PHACTR1: variants seen among roughly 807,000 people sequenced by gnomAD.
PHACTR1 encodes phosphatase and actin regulator 1, also known as RPEL repeat containing 1.
Under a neutral mutation model 69.2 loss-of-function variants are expected in PHACTR1, and 16 were observed. The ratio of observed to expected loss-of-function variants is 0.23; its 90% CI spans 0.16 to 0.35. The LOEUF (loss-of-function observed/expected upper bound fraction) is 0.35. Ranked by LOEUF, PHACTR1 falls within the 10% of genes least tolerant of loss-of-function variation. PHACTR1 has a pLI of 1.00. For missense variants in PHACTR1, 510 were observed against 734.7 expected (o/e 0.69, Z 3.54); for synonymous variants, 312 against 284.5 (o/e 1.10, Z -0.97).
At chr6:12,876,570 A>G (rs1393183378) in intron 4 of PHACTR1, among the ~76,000 whole-genome samples, 1 of 152,208 alleles carries the variant, frequency 6.6e-6, no homozygotes, top group Non-Finnish European at 1.5e-5. Context: ...CTTCTCCTGC[A>G]AGGCCAAGCA....
chr6:13,103,943 G>A (rs1815619556), intron 5 of PHACTR1, among the ~76,000 whole-genome samples: 1 of 152,178 alleles, frequency 6.6e-6, no homozygotes, highest in Non-Finnish European at 1.5e-5. Flanking sequence ...AATTAGTTGG[G>A]CATGGTGGCA....
intron 5 of PHACTR1, among the ~76,000 whole-genome samples, chr6:13,138,881 T>C (rs1322831180): frequency 2.6e-5 from 4 of 152,358 alleles, no homozygotes; most frequent in African/African-American, 9.6e-5. Flanking sequence ...CCTGGCTGTC[T>C]CCTGACATTT....
chr6:13,179,610 T>G lies in PHACTR1; in HGVS notation c.497-2909T>G, dbSNP rs140758011. Among the ~76,000 whole-genome samples the G allele has an allele frequency of 6.6e-6, 1 of 152,272 alleles. No homozygotes were observed. The highest frequency in any genetic ancestry group is 2.4e-5 in the African/African-American group (1 of 41,548). On this transcript the variant is annotated intron_variant, in intron 6 of 14. Coordinates refer to ENST00000332995, the MANE Select transcript of PHACTR1 (RefSeq NM_030948.6). The surrounding 1 kb of genome is among the most constrained non-coding windows in gnomAD (Gnocchi z 4.2). ...TACTTATTGAATGGTTTTCATTTCT[T>G]TCTACTAGATATGTATACACATATA...
chr6:12,920,476 G>A (rs1410331538), intron 4 of PHACTR1, among the ~76,000 whole-genome samples: 1 of 152,234 alleles, frequency 6.6e-6, no homozygotes, highest in African/African-American at 2.4e-5. Context: ...CTGTCAAGGA[G>A]TCTGACTTTG....
chr6:12,763,585 GAAAC>G lies in PHACTR1; in HGVS notation c.250+13798_250+13801del, dbSNP rs375496493. On this transcript the variant is annotated intron_variant, in intron 4 of 14. Transcript: ENST00000332995. Reference sequence around the variant, plus strand: ...GAAGTGAAAATATTGAGGTGGGAAAGAAACAATGACTGAATTTAGCCAACACAGA... The same window carrying G: ...GAAGTGAAAATATTGAGGTGGGAAAGAATGACTGAATTTAGCCAACACAGA... 4.1e-3 allele frequency among the ~76,000 whole-genome samples: 631 copies of G among 152,306 alleles called. 4 individuals are homozygous for G. The highest frequency in any genetic ancestry group is 0.015 in the African/African-American group (610 of 41,560).
intron 4 of PHACTR1, among the ~76,000 whole-genome samples, chr6:12,929,112 G>C (rs375782871): frequency 2.8e-4 from 43 of 152,272 alleles, no homozygotes; most frequent in African/African-American, 1.0e-3. Context: ...CCCCTCACCT[G>C]GGATGGCTCA....
At chr6:13,030,632 T>C (rs1265655221) in intron 4 of PHACTR1, among the ~76,000 whole-genome samples, 1 of 152,252 alleles carries the variant, frequency 6.6e-6, no homozygotes, top group African/African-American at 2.4e-5. Context: ...AGGCATTTGC[T>C]TTTCAAAATG....
intron 5 of PHACTR1, among the ~76,000 whole-genome samples, chr6:13,054,703 A>C (rs892948449): frequency 2.0e-5 from 3 of 152,160 alleles, no homozygotes; most frequent in Non-Finnish European, 4.4e-5. Context: ...GCATGACCTC[A>C]TCTAATCCTA....
intron 7 of PHACTR1, among the ~76,000 whole-genome samples, chr6:13,196,704 C>T (rs534703883): frequency 1.3e-5 from 2 of 152,294 alleles, no homozygotes; most frequent in South Asian, 4.1e-4. Flanking sequence ...CAGGCTTGAC[C>T]CACTGCACCC....
chr6:12,955,997 A>G (rs1791856261), intron 4 of PHACTR1, among the ~76,000 whole-genome samples: 1 of 152,210 alleles, frequency 6.6e-6, no homozygotes, highest in African/African-American at 2.4e-5. Context: ...AATGTCACAT[A>G]TTTTAACATG....
chr6:12,786,385 T>A (rs946244289), intron 4 of PHACTR1, among the ~76,000 whole-genome samples: 2 of 152,242 alleles, frequency 1.3e-5, no homozygotes, highest in African/African-American at 4.8e-5. Flanking sequence ...GATCTTTTGT[T>A]AACAATTAAT....
intron 6 of PHACTR1, among the ~76,000 whole-genome samples, chr6:13,168,785 G>C (rs1198422226): frequency 6.6e-6 from 1 of 152,194 alleles, no homozygotes; most frequent in Non-Finnish European, 1.5e-5. Flanking sequence ...TGGAGGCACG[G>C]AGTCAGGAAT....
chr6:12,892,997 A>G (rs1277544633), intron 4 of PHACTR1, among the ~76,000 whole-genome samples: 1 of 152,198 alleles, frequency 6.6e-6, no homozygotes, highest in Non-Finnish European at 1.5e-5. Flanking sequence ...CCTCCAGAGA[A>G]GGAAGAGAGA....
intron 6 of PHACTR1, among the ~76,000 whole-genome samples, chr6:13,181,498 C>G (rs1368284227): frequency 2.6e-5 from 4 of 152,208 alleles, no homozygotes; most frequent in Non-Finnish European, 5.9e-5. Context: ...GTCTAGTTAT[C>G]TAAGACTCCC....
chr6:12,877,911 G>T (rs188817316), intron 4 of PHACTR1, among the ~76,000 whole-genome samples: 118 of 152,290 alleles, frequency 7.7e-4, no homozygotes, highest in African/African-American at 2.8e-3. Flanking sequence ...TCTGGCATCT[G>T]CTGACTCTTC....
chr6:12,787,053 G>A lies in PHACTR1; in HGVS notation c.250+37263G>A, dbSNP rs17766874. Among the ~76,000 whole-genome samples the A allele has an allele frequency of 1.6e-3, 251 of 152,284 alleles. 6 individuals are homozygous for A. In the East Asian group the frequency reaches 0.043, roughly 26 times the overall value. On this transcript the variant is annotated intron_variant, in intron 4 of 14. Transcript: ENST00000332995. ...AATCACTGAAGCAATGGAAAGTCAGGACCATTTTCCAACTGACTGAAAAAG... is the reference window on the plus strand; with the variant it reads ...AATCACTGAAGCAATGGAAAGTCAGAACCATTTTCCAACTGACTGAAAAAG...
At chr6:12,839,830 T>C (rs1412465928) in intron 4 of PHACTR1, among the ~76,000 whole-genome samples, 1 of 152,176 alleles carries the variant, frequency 6.6e-6, no homozygotes, top group African/African-American at 2.4e-5. Flanking sequence ...GAAGATAGGC[T>C]GCGCAGAAGG....
At chr6:13,126,726 A>G (rs1200651074) in intron 5 of PHACTR1, among the ~76,000 whole-genome samples, 1 of 152,260 alleles carries the variant, frequency 6.6e-6, no homozygotes, top group Non-Finnish European at 1.5e-5. Context: ...ACAAACAAGG[A>G]AACTAAAATG....
chr6:12,879,383 G>A (rs780851587), intron 4 of PHACTR1, among the ~76,000 whole-genome samples: 1 of 152,144 alleles, frequency 6.6e-6, no homozygotes, highest in Non-Finnish European at 1.5e-5. Context: ...GTCACCCTAA[G>A]TAGGGAAGCC....
Sources: allele counts gnomAD v4.1 joint callset (sites outside exome capture counted in the v4.1 genomes callset), GRCh38; gene constraint gnomAD v4.1.1; non-coding constraint Gnocchi (gnomAD v3.1); transcripts MANE v1.5; gene names NCBI Gene and HGNC (gene_info 2026-07-23, HGNC 2026-07-21).